Variants in PTH2R observed in about 807,000 individuals in gnomAD.
The protein encoded by PTH2R is parathyroid hormone 2 receptor, also known as PTH2 receptor.
In PTH2R, 59 loss-of-function variants were observed where a neutral mutation model predicts 60.3. The ratio of observed to expected loss-of-function variants is 0.98; its 90% CI spans 0.79 to 1.22. The LOEUF (loss-of-function observed/expected upper bound fraction) is 1.22. PTH2R is among the 50% of genes most tolerant of loss of function. The pLI is 0.00. For synonymous variants in PTH2R, 256 were observed against 243.8 expected, an observed-to-expected ratio of 1.05 and a Z score of -0.47; for missense variants, 749 against 682.6, an observed-to-expected ratio of 1.10 and a Z score of -1.08.
rs766822310 is a variant in PTH2R, at chr2:208,459,942, C to T, written c.962C>T (p.Pro321Leu). 29 of 1,612,296 alleles carry T rather than the reference C, an allele frequency of 1.8e-5. No homozygotes were observed. Among genetic ancestry groups the T allele is most frequent in the East Asian group, 1.3e-4 (6 of 44,842 alleles). Residue 321 changes from proline (P) to leucine (L), a missense_variant, in exon 9 of 13, where the codon CCG becomes CTG. Coordinates refer to ENST00000272847, the MANE Select transcript of PTH2R (RefSeq NM_005048.4). ...GACATCAAGTGGATTTATCAAGCACCGATCTTAGCAGCTATTGGGGTAAGT... is the reference window on the plus strand; with the variant it reads ...GACATCAAGTGGATTTATCAAGCACTGATCTTAGCAGCTATTGGGGTAAGT... ...AGDIKWIYQA[P>L]ILAAIGLNFI...
Position 208,406,836 on chromosome 2 carries a change from C to A in PTH2R, c.-208C>A, listed in dbSNP as rs909925283. On this transcript the variant is annotated 5_prime_UTR_variant, in exon 1 of 13. Coordinates refer to ENST00000272847, the MANE Select transcript of PTH2R (RefSeq NM_005048.4). ...CCGGAAGACAAGACCAACCTCGCGC[C>A]GCGGCGCAGCAGCACGCGGGTTCTG... is the stretch of plus-strand genomic sequence containing the variant. The A allele has an allele frequency of 7.6e-6, 3 of 395,810 alleles. No homozygotes were observed. The allele number at this position is 395,810 out of a possible 1,614,324, so 24.5% of individuals were successfully genotyped here. A position where few individuals can be genotyped will look rare whatever the true frequency, so the allele number is the denominator to read the frequency against.
chr2:208,469,577 G>A (rs1352119011), intron 9 of PTH2R, among the ~76,000 whole-genome samples: 3 of 152,116 alleles, frequency 2.0e-5, no homozygotes, highest in Non-Finnish European at 4.4e-5. Context: ...AAGTTTGGAA[G>A]GAATCACTTA....
intron 1 of PTH2R, among the ~76,000 whole-genome samples, chr2:208,372,839 G>A (rs1700726205): frequency 6.6e-6 from 1 of 152,110 alleles, no homozygotes; most frequent in Non-Finnish European, 1.5e-5. Context: ...AATCCTAGCA[G>A]TTTGGGAGGC....
chr2:208,424,496 A>T (rs1478741827), intron 1 of PTH2R, among the ~76,000 whole-genome samples: 1 of 152,194 alleles, frequency 6.6e-6, no homozygotes, highest in Non-Finnish European at 1.5e-5. Context: ...GCCCTGCTCC[A>T]CTTGCCAAGG....
intron 9 of PTH2R, among the ~76,000 whole-genome samples, chr2:208,479,460 A>G (rs1703095346): frequency 6.6e-6 from 1 of 152,182 alleles, no homozygotes. Flanking sequence ...ATCACTCCCC[A>G]ATATCTTCAC....
intron 1 of PTH2R, among the ~76,000 whole-genome samples, chr2:208,370,467 A>G (rs993409623): frequency 1.7e-4 from 25 of 149,208 alleles, no homozygotes; most frequent in Non-Finnish European, 3.3e-4. Flanking sequence ...AAAAAAAAAA[A>G]AAAAAAAAGA....
chr2:208,370,131 GTCTAA>G (rs1242490984), intron 1 of PTH2R, among the ~76,000 whole-genome samples: 3 of 152,026 alleles, frequency 2.0e-5, no homozygotes, highest in African/African-American at 7.3e-5. Context: ...GAAAAATTGT[GTCTAA>G]TCTATATCAT....
intron 12 of PTH2R, among the ~76,000 whole-genome samples, chr2:208,491,448 A>T (rs1703401967): frequency 6.6e-6 from 1 of 152,234 alleles, no homozygotes; most frequent in South Asian, 2.1e-4. Context: ...CTCAACAGTC[A>T]AAGATGGGTT....
At chr2:208,420,289 T>TA (rs76902434) in intron 1 of PTH2R, among the ~76,000 whole-genome samples, 21 of 145,312 alleles carry the variant, frequency 1.4e-4, no homozygotes, top group African/African-American at 3.3e-4. Flanking sequence ...GTATAATAAT[T>TA]AAAAAAAAAA....
At chr2:208,456,765 CAG>C (rs1326533690) in intron 8 of PTH2R, among the ~76,000 whole-genome samples, 1 of 152,148 alleles carries the variant, frequency 6.6e-6, no homozygotes, top group Non-Finnish European at 1.5e-5. Flanking sequence ...AAAATTTGAA[CAG>C]AGAGTAATTT....
chr2:208,472,757 T>G (rs1702913491), intron 9 of PTH2R, among the ~76,000 whole-genome samples: 1 of 152,242 alleles, frequency 6.6e-6, no homozygotes. Flanking sequence ...TCCTATATTT[T>G]ATTAATCATC....
At chr2:208,398,789 T>C (rs1303978973) in intron 1 of PTH2R, among the ~76,000 whole-genome samples, 1 of 152,246 alleles carries the variant, frequency 6.6e-6, no homozygotes, top group East Asian at 1.9e-4. Context: ...TCTCTTGTGA[T>C]AACACATATA....
At chr2:208,411,468 C>A (rs1226819125) in intron 1 of PTH2R, among the ~76,000 whole-genome samples, 1 of 152,198 alleles carries the variant, frequency 6.6e-6, no homozygotes, top group African/African-American at 2.4e-5. Context: ...TGAGTAGTCT[C>A]TTCAGCCCTG....
intron 2 of PTH2R, among the ~76,000 whole-genome samples, chr2:208,432,179 G>C (rs1272096189): frequency 6.6e-6 from 1 of 152,174 alleles, no homozygotes; most frequent in Admixed American, 6.5e-5. Flanking sequence ...GAGCTAGAAG[G>C]TATTTCAGAG....
At chr2:208,461,231 T>C (rs554003379) in intron 9 of PTH2R, among the ~76,000 whole-genome samples, 1 of 152,256 alleles carries the variant, frequency 6.6e-6, no homozygotes, top group East Asian at 1.9e-4. Flanking sequence ...GGCTTAAATG[T>C]ATAAACACCT....
intron 1 of PTH2R, among the ~76,000 whole-genome samples, chr2:208,413,498 GTTAC>G (rs1050780113): frequency 6.6e-6 from 1 of 152,206 alleles, no homozygotes; most frequent in African/African-American, 2.4e-5. Context: ...TATAAAGTGA[GTTAC>G]TTCAAAATGG....
At chr2:208,485,742 A>T (rs1451218506) in intron 10 of PTH2R, among the ~76,000 whole-genome samples, 1 of 152,170 alleles carries the variant, frequency 6.6e-6, no homozygotes, top group Non-Finnish European at 1.5e-5. Context: ...AAGCCTTGTA[A>T]AATCCTGCTC....
chr2:208,388,962 T>C (rs16824857), intron 1 of PTH2R, among the ~76,000 whole-genome samples: 8,781 of 152,190 alleles, frequency 0.058, 537 homozygotes, highest in African/African-American at 0.15. Flanking sequence ...GCAGGACTCA[T>C]CGAAGCATAG....
At position 208,434,299 on chromosome 2, in the gene PTH2R, C is replaced by CA. The variant is rs59899639; in HGVS notation, c.179-3225dup. 8.4e-3 allele frequency among the ~76,000 whole-genome samples: 1,172 copies of CA among 139,424 alleles called. 12 individuals are homozygous for CA. The highest frequency in any genetic ancestry group is 0.024 in the African/African-American group (911 of 38,182). 91.5% of individuals were successfully genotyped at this position (139,424 alleles called of 152,430 possible). ...CTAACTCCAGAGTGAGACTCTGTCT[C>CA]AAAAAAAAAAAAATCTCTATTTTCT... is the stretch of plus-strand genomic sequence containing the variant. On this transcript the variant is annotated intron_variant, in intron 2 of 12. Coordinates refer to ENST00000272847, the MANE Select transcript of PTH2R (RefSeq NM_005048.4).
Sources: gnomAD v4.1 joint callset for allele counts (sites outside exome capture counted in the v4.1 genomes callset) on GRCh38, gnomAD v4.1.1 for gene constraint, MANE v1.5 for transcripts, NCBI Gene and HGNC (gene_info 2026-07-23, HGNC 2026-07-21) for gene names.